The following SLC9A2 variants were observed in gnomAD, a reference collection of about 807,000 sequenced individuals.
SLC9A2 encodes the protein sodium/hydrogen exchanger 2.
In SLC9A2, 42 loss-of-function variants were observed where a neutral mutation model predicts 71.7. The ratio of observed to expected loss-of-function variants is 0.59; its 90% confidence interval spans 0.46 to 0.76. The LOEUF is 0.76. Ranked by LOEUF, SLC9A2 falls within the 30% of genes least tolerant of loss-of-function variation. The pLI is 0.00. For synonymous variants in SLC9A2, 396 were observed against 392.5 expected (o/e 1.01, Z -0.10); for missense variants, 829 against 1,017.4 (o/e 0.81, Z 2.52).
intron 1 of SLC9A2, among the ~76,000 whole-genome samples, chr2:102,623,321 C>T (rs1360383751): frequency 6.6e-6 from 1 of 152,142 alleles, no homozygotes; most frequent in African/African-American, 2.4e-5. Flanking sequence ...GTATATTTCT[C>T]AGGACAGAAA....
At chr2:102,640,134 G>A (rs114026694) in intron 1 of SLC9A2, among the ~76,000 whole-genome samples, 1 of 152,280 alleles carries the variant, frequency 6.6e-6, no homozygotes, top group Non-Finnish European at 1.5e-5. Flanking sequence ...GAGGCTTGGT[G>A]TACAATACCT....
chr2:102,711,159 C>T lies in SLC9A2; in HGVS notation c.*2670C>T, dbSNP rs1251613687. On this transcript the variant is annotated 3_prime_UTR_variant, in exon 12 of 12. Coordinates refer to ENST00000233969, the MANE Select transcript of SLC9A2 (RefSeq NM_003048.6). ...TATTGATTTACATAAAAACTGTAGA[C>T]AAACACAGTACGAGTCTCAGCACGT... 2 of 152,284 alleles carry T rather than the reference C, an allele frequency of 1.3e-5. No homozygotes were observed. The highest frequency in any genetic ancestry group is 2.9e-5 in the Non-Finnish European group (2 of 68,032). 9.4% of individuals were successfully genotyped at this position (152,284 alleles called of 1,614,324 possible). A position where few individuals can be genotyped will look rare whatever the true frequency, so the allele number is the denominator to read the frequency against.
At chr2:102,707,988 TA>T (rs1678014393) in intron 11 of SLC9A2, 130 bp from the exon 12 acceptor site, 5 of 963,054 alleles carry the variant, frequency 5.2e-6, no homozygotes, top group Non-Finnish European at 6.2e-6. Context: ...AAAATTAGCA[TA>T]AGCCTGCTAG....
Position 102,694,462 on chromosome 2 carries a change from A to G in SLC9A2, c.1474A>G (p.Asn492Asp). The change falls in exon 6 of 12, where the codon AAT (asparagine) becomes GAT (aspartate). Residue 492 changes from asparagine (N) to aspartate (D), a missense_variant. Physicochemically the swap from Asn to Asp is conservative, Grantham distance 23 (BLOSUM62 1). Transcript: ENST00000233969. Reference protein sequence around the residue: ...LVEFLDVKRSNKKQQAVSEEI... With the variant: ...LVEFLDVKRSDKKQQAVSEEI... ...GGAGTTTCTTGATGTCAAGAGGTCC[A>G]ATAAGAAACAACAAGCTGTCAGTGA... 1 of 1,544,832 alleles carries G rather than the reference A, an allele frequency of 6.5e-7. No individual in the cohort carries two copies. Among genetic ancestry groups the G allele is most frequent in the Non-Finnish European group, 8.8e-7 (1 of 1,135,618 alleles).
At position 102,659,255 on chromosome 2, in the gene SLC9A2, C is replaced by G. The variant is rs575846732; in HGVS notation, c.753+1228C>G. Among the ~76,000 whole-genome samples the G allele has an allele frequency of 1.6e-3, 227 of 144,516 alleles. 1 individual carries two copies. The highest frequency in any genetic ancestry group is 2.9e-3 in the Admixed American group (40 of 13,934). 94.8% of individuals were successfully genotyped at this position (144,516 alleles called of 152,430 possible). Reference sequence around the variant, plus strand: ...ACAAGCCTGACCGACATGGTGAAACCCTGTCTCTACTAAAAATACAAAAAA... The same window carrying G: ...ACAAGCCTGACCGACATGGTGAAACGCTGTCTCTACTAAAAATACAAAAAA... On this transcript the variant is annotated intron_variant, in intron 2 of 11. Transcript: ENST00000233969.
At chr2:102,666,809 AT>A (rs552510541) in intron 3 of SLC9A2, among the ~76,000 whole-genome samples, 52 of 150,054 alleles carry the variant, frequency 3.5e-4, no homozygotes, top group Middle Eastern at 3.5e-3. Context: ...ATGCTTTTAC[AT>A]TTTTTTTTTA....
chr2:102,670,688 A>G (rs956976070), intron 3 of SLC9A2, among the ~76,000 whole-genome samples: 1 of 150,994 alleles, frequency 6.6e-6, no homozygotes, highest in Non-Finnish European at 1.5e-5. Flanking sequence ...TTCCAGAATG[A>G]TAGGTTTAGG....
At chr2:102,625,780 T>C (rs1356148413) in intron 1 of SLC9A2, among the ~76,000 whole-genome samples, 1 of 152,176 alleles carries the variant, frequency 6.6e-6, no homozygotes, top group African/African-American at 2.4e-5. Flanking sequence ...GCAATAAACA[T>C]ACGTGTGCAT....
At chr2:102,701,678 C>T (rs1473261454) in intron 8 of SLC9A2, among the ~76,000 whole-genome samples, 1 of 151,896 alleles carries the variant, frequency 6.6e-6, no homozygotes, top group Non-Finnish European at 1.5e-5. Flanking sequence ...TGCCTGGGGG[C>T]CATTTAAAGC....
In SLC9A2 at chr2:102,657,719, A is replaced by G; in HGVS notation, c.445A>G (p.Ile149Val). Residue 149 changes from isoleucine (I) to valine (V), a missense_variant, in exon 2 of 12, where the codon ATC becomes GTC. Coordinates refer to ENST00000233969, the MANE Select transcript of SLC9A2 (RefSeq NM_003048.6). Reference sequence around the variant, plus strand: ...ATTTTTCTTGTACCTCCTCCCACCCATCGTGCTGGATGCCGGCTATTTCAT... The same window carrying G: ...ATTTTTCTTGTACCTCCTCCCACCCGTCGTGCTGGATGCCGGCTATTTCAT... ...DVFFLYLLPP[I>V]VLDAGYFMPT... is the part of the protein sequence containing the mutation. The G allele has an allele frequency of 6.2e-7, 1 of 1,614,098 alleles. No individual in the cohort carries two copies. Among genetic ancestry groups the G allele is most frequent in the Non-Finnish European group, 8.5e-7 (1 of 1,180,006 alleles).
At chr2:102,667,510 G>A (rs1376503441) in intron 3 of SLC9A2, among the ~76,000 whole-genome samples, 2 of 152,190 alleles carry the variant, frequency 1.3e-5, no homozygotes, top group Admixed American at 1.3e-4. Context: ...AATTGGATGG[G>A]ATGGGAATCC....
intron 1 of SLC9A2, among the ~76,000 whole-genome samples, chr2:102,627,881 A>G (rs1676280269): frequency 6.6e-6 from 1 of 152,152 alleles, no homozygotes; most frequent in Non-Finnish European, 1.5e-5. Flanking sequence ...AAACATAATT[A>G]ATATTATTTT....
rs1289515772 is a variant in SLC9A2, at chr2:102,683,309, A to G, written c.1053A>G (p.Val351=). Residue 351 remains valine (V), a synonymous_variant, in exon 4 of 12, where the codon GTA becomes GTG. Transcript: ENST00000233969. ...TGAATAAGTACGTAGAAGAAAATGT[A>G]TCTCAGAAATCCTACACGACCATCA... ...MTMNKYVEEN[V]SQKSYTTIKY... is the part of the protein sequence containing the mutation. 1 of 1,613,984 alleles carries G rather than the reference A, an allele frequency of 6.2e-7. No homozygotes were observed. The highest frequency in any genetic ancestry group is 8.5e-7 in the Non-Finnish European group (1 of 1,179,900).
In SLC9A2 at chr2:102,657,901, C is replaced by T. The variant is rs776856146; in HGVS notation, c.627C>T (p.Leu209=). 373 of 1,614,124 alleles carry T rather than the reference C, an allele frequency of 2.3e-4. 1 individual carries two copies. The highest frequency in any genetic ancestry group is 3.1e-4 in the Non-Finnish European group (360 of 1,180,044). The stretch of plus-strand genomic sequence containing the variant: ...ACATCACTTTGCTCCAGAACCTGCT[C>T]TTTGGCAGCTTAATCTCAGCTGTCG... ...LSDITLLQNL[L]FGSLISAVDP... is the part of the protein sequence containing the mutation. Residue 209 remains leucine (L), a synonymous_variant, in exon 2 of 12, where the codon CTC becomes CTT. Coordinates refer to ENST00000233969, the MANE Select transcript of SLC9A2 (RefSeq NM_003048.6).
At chr2:102,692,368 A>G (rs1045201131) in intron 5 of SLC9A2, among the ~76,000 whole-genome samples, 2 of 152,230 alleles carry the variant, frequency 1.3e-5, no homozygotes, top group African/African-American at 4.8e-5. Flanking sequence ...AGTTTGCATT[A>G]TCAAAAACAT....
intron 1 of SLC9A2, among the ~76,000 whole-genome samples, chr2:102,642,584 A>G (rs533721755): frequency 3.9e-5 from 6 of 152,278 alleles, no homozygotes; most frequent in East Asian, 3.9e-4. Context: ...ACATTTTTGC[A>G]TCAATACTCC....
intron 1 of SLC9A2, among the ~76,000 whole-genome samples, chr2:102,630,534 A>C (rs750787935): frequency 6.6e-6 from 1 of 151,644 alleles, no homozygotes; most frequent in Non-Finnish European, 1.5e-5. Flanking sequence ...CTAAGTATAG[A>C]TTTACTTTAT....
chr2:102,701,459 T>G (rs943826482), intron 8 of SLC9A2, among the ~76,000 whole-genome samples: 1 of 152,276 alleles, frequency 6.6e-6, no homozygotes, highest in East Asian at 1.9e-4. Flanking sequence ...GGTCACAAAA[T>G]TTTCATCAGC....
intron 1 of SLC9A2, among the ~76,000 whole-genome samples, chr2:102,629,188 T>C (rs1558700209): frequency 1.3e-5 from 2 of 152,122 alleles, no homozygotes; most frequent in Admixed American, 1.3e-4. Flanking sequence ...TTTGTAATTG[T>C]TTCAATTTTT....
Sources: gnomAD v4.1 joint callset for allele counts (sites outside exome capture counted in the v4.1 genomes callset) on GRCh38, gnomAD v4.1.1 for gene constraint, MANE v1.5 for transcripts, NCBI Gene and HGNC (gene_info 2026-07-23, HGNC 2026-07-21) for gene names.